Variants in LIMS1 observed in about 807,000 individuals in gnomAD.
LIMS1 encodes the protein LIM and senescent cell antigen-like-containing domain protein 1.
In LIMS1, 18 loss-of-function variants were observed where a neutral mutation model predicts 44.1. The observed-to-expected ratio is 0.41, with a 90% CI of 0.28 to 0.61. The LOEUF (loss-of-function observed/expected upper bound fraction) is 0.61, where lower values mean the gene tolerates loss of function less well. Among genes scored for constraint, LIMS1 ranks in the 20% least tolerant of loss-of-function variants. LIMS1 has a pLI of 0.32. For missense variants in LIMS1, 201 were observed against 422.0 expected, an observed-to-expected ratio of 0.48 and a Z score of 4.59; for synonymous variants, 93 against 149.1, an observed-to-expected ratio of 0.62 and a Z score of 2.74.
intron 1 of LIMS1, among the ~76,000 whole-genome samples, chr2:108,625,440 A>G (rs1386431943): frequency 6.6e-6 from 1 of 152,114 alleles, no homozygotes; most frequent in African/African-American, 2.4e-5. Flanking sequence ...TAGTGCTGAG[A>G]TAAGAACTCC....
At chr2:108,636,076 G>A (rs1442697694) in intron 1 of LIMS1, among the ~76,000 whole-genome samples, 1 of 152,208 alleles carries the variant, frequency 6.6e-6, no homozygotes, top group Non-Finnish European at 1.5e-5. Context: ...CTAGTAAGAG[G>A]AGAGAAAGCA....
chr2:108,591,796 T>G (rs1045410074), intron 1 of LIMS1, among the ~76,000 whole-genome samples: 1 of 130,524 alleles, frequency 7.7e-6, no homozygotes, highest in Non-Finnish European at 1.6e-5. Flanking sequence ...TTAGTTTTTT[T>G]TTTTGTTTTT....
chr2:108,620,815 G>A (rs908847606), intron 1 of LIMS1, among the ~76,000 whole-genome samples: 1 of 152,106 alleles, frequency 6.6e-6, no homozygotes, highest in African/African-American at 2.4e-5. Context: ...GTAAGGGGGA[G>A]GAATTGGACT....
At chr2:108,610,941 TC>T (rs1486204386) in intron 1 of LIMS1, among the ~76,000 whole-genome samples, 2 of 152,100 alleles carry the variant, frequency 1.3e-5, no homozygotes, top group Admixed American at 6.5e-5. Context: ...TCACCTAGCT[TC>T]CCCTCTTGTC....
At chr2:108,666,702 T>C (rs910505171) in intron 2 of LIMS1, among the ~76,000 whole-genome samples, 1 of 137,698 alleles carries the variant, frequency 7.3e-6, no homozygotes, top group African/African-American at 2.7e-5. Flanking sequence ...GGTGGGAAGA[T>C]CATTTGAGCC....
chr2:108,564,764 A>G (rs1209040406), intron 1 of LIMS1, among the ~76,000 whole-genome samples: 1 of 152,006 alleles, frequency 6.6e-6, no homozygotes, highest in Non-Finnish European at 1.5e-5. Flanking sequence ...TGCTGCAGCT[A>G]TGTTGTCATG....
chr2:108,581,563 A>G (rs1685886297), intron 1 of LIMS1, among the ~76,000 whole-genome samples: 2 of 152,158 alleles, frequency 1.3e-5, no homozygotes. Flanking sequence ...CCAAACTCAG[A>G]AAGGCCCCCA....
intron 1 of LIMS1, among the ~76,000 whole-genome samples, chr2:108,577,679 A>G (rs1264359567): frequency 6.6e-6 from 1 of 152,252 alleles, no homozygotes; most frequent in Non-Finnish European, 1.5e-5. Flanking sequence ...TTCTTAACAA[A>G]CATGAATCTA....
intron 2 of LIMS1, among the ~76,000 whole-genome samples, chr2:108,665,776 G>A (rs537851842): frequency 6.6e-6 from 1 of 151,904 alleles, no homozygotes; most frequent in East Asian, 1.9e-4. Context: ...TGCCCACCTC[G>A]GCCTTCCAAA....
intron 1 of LIMS1, among the ~76,000 whole-genome samples, chr2:108,583,685 T>TATCC (rs1401802221): frequency 3.6e-5 from 5 of 140,420 alleles, no homozygotes; most frequent in African/African-American, 1.0e-4. Context: ...TCCTGTTATT[T>TATCC]TGTTGTTGCT....
At chr2:108,567,322 G>A (rs1454579497) in intron 1 of LIMS1, among the ~76,000 whole-genome samples, 1 of 152,082 alleles carries the variant, frequency 6.6e-6, no homozygotes, top group South Asian at 2.1e-4. Context: ...GCCCTGTGAC[G>A]GGATGGAGTC....
At chr2:108,547,100 C>T (rs188561822) in intron 1 of LIMS1, among the ~76,000 whole-genome samples, 16 of 152,288 alleles carry the variant, frequency 1.1e-4, no homozygotes, top group East Asian at 1.9e-4. Context: ...TTTTACCTTG[C>T]GCTTTGGATT....
chr2:108,647,942 ATAGTAT>A (rs1690187386), intron 1 of LIMS1, among the ~76,000 whole-genome samples: 1 of 152,230 alleles, frequency 6.6e-6, no homozygotes, highest in Non-Finnish European at 1.5e-5. Context: ...CCTATTCAAC[ATAGTAT>A]TAGAAGTTCT....
At chr2:108,559,046 G>T (rs554234206) in intron 1 of LIMS1, among the ~76,000 whole-genome samples, 3 of 152,142 alleles carry the variant, frequency 2.0e-5, no homozygotes, top group Non-Finnish European at 2.9e-5. Flanking sequence ...GATTCCCACC[G>T]TTAGGGCAGG....
intron 1 of LIMS1, among the ~76,000 whole-genome samples, chr2:108,541,703 G>A (rs1259321799): frequency 1.3e-5 from 2 of 152,148 alleles, no homozygotes; most frequent in Middle Eastern, 3.2e-3. Flanking sequence ...TGAAAATGAT[G>A]ATTTCCTGCC....
At chr2:108,611,091 T>G (rs960915410) in intron 1 of LIMS1, among the ~76,000 whole-genome samples, 2 of 152,190 alleles carry the variant, frequency 1.3e-5, no homozygotes, top group Admixed American at 6.5e-5. Flanking sequence ...AAAATAACCA[T>G]TTTCTGACTA....
At chr2:108,586,471 A>G (rs1490277575) in intron 1 of LIMS1, among the ~76,000 whole-genome samples, 1 of 152,234 alleles carries the variant, frequency 6.6e-6, no homozygotes, top group Non-Finnish European at 1.5e-5. Flanking sequence ...CTTTCCAGAT[A>G]AACTGTTTTC....
chr2:108,560,115 G>T (rs759899051), intron 1 of LIMS1, among the ~76,000 whole-genome samples: 2 of 152,258 alleles, frequency 1.3e-5, no homozygotes, highest in East Asian at 3.9e-4. Flanking sequence ...GGGCCACAGG[G>T]TGGGTGTCCA....
At chr2:108,551,877 G>C (rs1253964213) in intron 1 of LIMS1, among the ~76,000 whole-genome samples, 1 of 141,910 alleles carries the variant, frequency 7.0e-6, no homozygotes, top group Non-Finnish European at 1.5e-5. Context: ...GTATACATAT[G>C]TATATATGTG....
Sources: allele counts gnomAD v4.1 joint callset (sites outside exome capture counted in the v4.1 genomes callset), GRCh38; gene constraint gnomAD v4.1.1; transcripts MANE v1.5; gene names NCBI Gene and HGNC (gene_info 2026-07-23, HGNC 2026-07-21).